Variants in NHS observed in about 807,000 individuals in gnomAD.
The protein encoded by NHS is NHS actin remodeling regulator.
NHS carries 5 observed loss-of-function variants against 72.5 expected under a neutral mutation model. The ratio of observed to expected loss-of-function variants is 0.07; its 90% CI spans 0.04 to 0.14. The LOEUF is 0.14. Ranked by LOEUF, NHS falls within the 10% of genes least tolerant of loss-of-function variation. NHS has a pLI of 1.00. For synonymous variants in NHS, 464 were observed against 547.7 expected (o/e 0.85, Z 2.13); for missense variants, 1,072 against 1,355.7 (o/e 0.79, Z 3.29).
At chrX:17,653,382 T>C (rs1345305363) in intron 1 of NHS, among the ~76,000 whole-genome samples, 2 of 110,799 alleles carry the variant, frequency 1.8e-5, no homozygotes, top group African/African-American at 6.6e-5. Flanking sequence ...CACAGGTCTT[T>C]CTGGGTACAA....
At chrX:17,413,308 G>A (rs146925408) in intron 1 of NHS, among the ~76,000 whole-genome samples, 10 of 112,151 alleles carry the variant, frequency 8.9e-5, no homozygotes, top group African/African-American at 2.6e-4. Context: ...TTTATGTAGC[G>A]TTGTCATTGT....
At chrX:17,517,034 A>G (rs1337734965) in intron 1 of NHS, among the ~76,000 whole-genome samples, 2 of 112,237 alleles carry the variant, frequency 1.8e-5, no homozygotes, top group Non-Finnish European at 3.8e-5. Flanking sequence ...TGATTGCTGG[A>G]TAAAATGCAC....
chrX:17,469,797 C>T (rs550464874), intron 1 of NHS, among the ~76,000 whole-genome samples: 1 of 111,006 alleles, frequency 9.0e-6, no homozygotes. Flanking sequence ...TGCACCACCA[C>T]GCCTGGCCAA....
intron 1 of NHS, among the ~76,000 whole-genome samples, chrX:17,465,242 T>G (rs1328979311): frequency 1.8e-5 from 2 of 111,197 alleles, no homozygotes; most frequent in Admixed American, 1.9e-4. Flanking sequence ...TTGGGAAGAG[T>G]GCAATGATAC....
chrX:17,488,608 G>C (rs947260068), intron 1 of NHS, among the ~76,000 whole-genome samples: 10 of 111,369 alleles, frequency 9.0e-5, no homozygotes, highest in African/African-American at 2.9e-4. Flanking sequence ...AATTACAAAG[G>C]ACCTACAGTT....
At chrX:17,720,815 G>A (rs985392106) in intron 4 of NHS, among the ~76,000 whole-genome samples, 1 of 112,264 alleles carries the variant, frequency 8.9e-6, no homozygotes, top group Non-Finnish European at 1.9e-5. Context: ...TGTATTTTCC[G>A]CTATCGTTGG....
At chrX:17,591,814 C>T (rs923116102) in intron 1 of NHS, among the ~76,000 whole-genome samples, 1 of 111,692 alleles carries the variant, frequency 9.0e-6, no homozygotes, top group Non-Finnish European at 1.9e-5. Context: ...CTGGCTGAAC[C>T]GGGAATGGAA....
At chrX:17,615,136 GTGTA>G (rs1569294006) in intron 1 of NHS, among the ~76,000 whole-genome samples, 4 of 87,615 alleles carry the variant, frequency 4.6e-5, no homozygotes, top group African/African-American at 1.7e-4. Flanking sequence ...ATACATATGT[GTGTA>G]TATATATACG....
At chrX:17,591,188 C>G (rs1394323170) in intron 1 of NHS, among the ~76,000 whole-genome samples, 1 of 111,693 alleles carries the variant, frequency 9.0e-6, no homozygotes, top group African/African-American at 3.3e-5. Flanking sequence ...AAGGACAAGG[C>G]CAGAGTTACT....
At chrX:17,402,776 A>T (rs2064508505) in intron 1 of NHS, among the ~76,000 whole-genome samples, 1 of 112,005 alleles carries the variant, frequency 8.9e-6, no homozygotes, top group African/African-American at 3.2e-5. Context: ...TACACATTTT[A>T]AAGAGTGAAT....
intron 1 of NHS, among the ~76,000 whole-genome samples, chrX:17,574,298 G>T (rs2065497888): frequency 8.9e-6 from 1 of 112,566 alleles, no homozygotes; most frequent in African/African-American, 3.2e-5. Context: ...GTGGAATCTA[G>T]AGAGACAGTC....
At chrX:17,389,581 A>T (rs2064429988) in intron 1 of NHS, among the ~76,000 whole-genome samples, 1 of 91,915 alleles carries the variant, frequency 1.1e-5, no homozygotes, top group Admixed American at 1.2e-4. Context: ...GGAGCCTTTT[A>T]TTTTCTTATT....
chrX:17,628,569 G>C (rs1183871953), intron 1 of NHS, among the ~76,000 whole-genome samples: 1 of 113,180 alleles, frequency 8.8e-6, no homozygotes, highest in African/African-American at 3.2e-5. Context: ...GACGTTTCCT[G>C]TGGGTAGCTG....
chrX:17,411,146 A>C (rs2064555966), intron 1 of NHS, among the ~76,000 whole-genome samples: 1 of 112,139 alleles, frequency 8.9e-6, no homozygotes, highest in African/African-American at 3.2e-5. Flanking sequence ...TCTCTTATTC[A>C]TTTTTCATAA....
At chrX:17,596,412 A>G (rs1364074771) in intron 1 of NHS, among the ~76,000 whole-genome samples, 3 of 112,407 alleles carry the variant, frequency 2.7e-5, no homozygotes, top group Non-Finnish European at 5.6e-5. Flanking sequence ...ATGGATACAC[A>G]GAGCATATGG....
chrX:17,667,000 T>C (rs1190432438), intron 1 of NHS, among the ~76,000 whole-genome samples: 1 of 111,968 alleles, frequency 8.9e-6, no homozygotes, highest in Non-Finnish European at 1.9e-5. Context: ...TGGTAAACAC[T>C]AAGGACACTT....
chrX:17,435,367 G>A (rs2064716823), intron 1 of NHS, among the ~76,000 whole-genome samples: 1 of 111,500 alleles, frequency 9.0e-6, no homozygotes, highest in Admixed American at 9.5e-5. Context: ...GTGAGATGTG[G>A]CATGGGATGG....
intron 1 of NHS, among the ~76,000 whole-genome samples, chrX:17,502,127 C>T (rs1266027609): frequency 9.0e-6 from 1 of 111,694 alleles, no homozygotes; most frequent in Non-Finnish European, 1.9e-5. Context: ...TATTTGTCTC[C>T]TCGGGTCTCC....
rs1467934069 is a variant in NHS, at chrX:17,726,198, C to G, written c.2092C>G (p.Arg698Gly). 8.3e-7 allele frequency: 1 copy of G among 1,212,029 alleles called. No individual in the cohort carries two copies. Among genetic ancestry groups the G allele is most frequent in the East Asian group, 3.0e-5 (1 of 33,839 alleles). The part of the protein sequence containing the change: ...NDHLDKVRGH[R>G]ANSFTSTVAD... ...CCACTTGGATAAAGTGAGAGGCCAT[C>G]GGGCAAACTCCTTTACCTCCACTGT... Residue 698 changes from arginine to glycine, a missense_variant, in exon 7 of 9, where the codon CGG (arginine) becomes GGG (glycine). By Grantham distance (125) the Arg-to-Gly change is moderately radical. Transcript: ENST00000676302.
Sources: gnomAD v4.1 joint callset for allele counts (sites outside exome capture counted in the v4.1 genomes callset) on GRCh38, gnomAD v4.1.1 for gene constraint, MANE v1.5 for transcripts, NCBI Gene and HGNC (gene_info 2026-07-23, HGNC 2026-07-21) for gene names.